Variants in SPATA13 observed in about 807,000 individuals in gnomAD.
SPATA13 encodes the protein spermatogenesis-associated protein 13.
Under a neutral mutation model 104.0 loss-of-function variants are expected in SPATA13, and 50 were observed. That is an observed-to-expected ratio of 0.48 (90% CI 0.38 to 0.61). The LOEUF is 0.61. Among genes scored for constraint, SPATA13 ranks in the 20% least tolerant of loss-of-function variants. The probability of loss-of-function intolerance (pLI) is 0.00; values close to 1 mark genes in which losing one functional copy is unlikely to be tolerated. For missense variants in SPATA13, 1,524 were observed against 1,690.6 expected, an observed-to-expected ratio of 0.90 and a Z score of 1.73; for synonymous variants, 606 against 667.5, an observed-to-expected ratio of 0.91 and a Z score of 1.42.
intron 3 of SPATA13, among the ~76,000 whole-genome samples, chr13:24,126,337 G>A (rs981121037): frequency 2.0e-5 from 3 of 152,016 alleles, no homozygotes; most frequent in African/African-American, 7.3e-5. Flanking sequence ...GGAAATGGAG[G>A]GACTCACAAG....
At chr13:24,103,543 A>AAGAG (rs1490841965) in intron 3 of SPATA13, among the ~76,000 whole-genome samples, 1 of 140,666 alleles carries the variant, frequency 7.1e-6, no homozygotes, top group Admixed American at 6.8e-5. Flanking sequence ...AGAGAGAGAG[A>AAGAG]AGAGAGAGAG....
At chr13:24,115,551 G>A (rs895071306) in intron 3 of SPATA13, among the ~76,000 whole-genome samples, 2 of 152,240 alleles carry the variant, frequency 1.3e-5, no homozygotes, top group African/African-American at 4.8e-5. Flanking sequence ...AGGTGGAACA[G>A]TTTCATCCCC....
chr13:24,004,679 G>A (rs1302067320), intron 2 of SPATA13, among the ~76,000 whole-genome samples: 3 of 152,126 alleles, frequency 2.0e-5, no homozygotes, highest in Non-Finnish European at 4.4e-5. Flanking sequence ...TTCCGAGACT[G>A]CTCCATACAC....
chr13:24,013,286 A>G (rs1175620993), intron 2 of SPATA13, among the ~76,000 whole-genome samples: 1 of 152,020 alleles, frequency 6.6e-6, no homozygotes, highest in African/African-American at 2.4e-5. Context: ...TCATCTGAGC[A>G]CCCTGGCTTC....
intron 2 of SPATA13, among the ~76,000 whole-genome samples, chr13:24,227,884 T>C (rs1289186173): frequency 1.3e-5 from 2 of 151,918 alleles, no homozygotes. Flanking sequence ...AATTCTTATA[T>C]AGCACATCAG....
chr13:24,119,536 T>C (rs1880965948), intron 3 of SPATA13, among the ~76,000 whole-genome samples: 1 of 152,218 alleles, frequency 6.6e-6, no homozygotes, highest in Non-Finnish European at 1.5e-5. Context: ...TTCTGGAGAA[T>C]GCTTTTGCTC....
At chr13:24,183,218 T>A (rs1868923129) in intron 1 of SPATA13, among the ~76,000 whole-genome samples, 1 of 152,238 alleles carries the variant, frequency 6.6e-6, no homozygotes, top group South Asian at 2.1e-4. Flanking sequence ...GAGGGCTGAA[T>A]TTTTCACATA....
chr13:24,075,037 C>A lies in SPATA13; in HGVS notation c.-112+57336C>A, dbSNP rs75427232. Among the ~76,000 whole-genome samples, 864 of 152,310 alleles carry A rather than the reference C, an allele frequency of 5.7e-3. 17 individuals carry two copies. The East Asian group carries it at 0.062, about 11-fold the overall frequency. On this transcript the variant is annotated intron_variant, in intron 3 of 14. Transcript: ENST00000424834. ...TTATGTTTTCCTCTGTATGGAAAAA[C>A]CCTTAGGCCAAGGTTAGAATATGTG...
At chr13:24,103,262 AC>A (rs1880315150) in intron 3 of SPATA13, among the ~76,000 whole-genome samples, 1 of 152,138 alleles carries the variant, frequency 6.6e-6, no homozygotes, top group Non-Finnish European at 1.5e-5. Context: ...TATTTTCTTT[AC>A]CTATGTCTAG....
chr13:24,210,843 A>G (rs1870975589), intron 1 of SPATA13, among the ~76,000 whole-genome samples: 1 of 150,178 alleles, frequency 6.7e-6, no homozygotes, highest in Non-Finnish European at 1.5e-5. Flanking sequence ...AGTAGTATGG[A>G]CATTTTAATG....
chr13:24,038,690 G>T (rs542467066), intron 3 of SPATA13, among the ~76,000 whole-genome samples: 4 of 152,220 alleles, frequency 2.6e-5, no homozygotes, highest in African/African-American at 4.8e-5. Context: ...TTGGCCCCTC[G>T]CATCCAAACA....
chr13:24,044,918 A>G (rs899949849), intron 3 of SPATA13, among the ~76,000 whole-genome samples: 4 of 143,794 alleles, frequency 2.8e-5, no homozygotes, highest in Middle Eastern at 3.8e-3. Context: ...CAGAGTGAAG[A>G]GAGGTTGGTC....
chr13:24,264,452 G>A (rs1167549431), intron 4 of SPATA13, among the ~76,000 whole-genome samples: 2 of 152,162 alleles, frequency 1.3e-5, no homozygotes, highest in African/African-American at 4.8e-5. Context: ...TAAGCAAGAT[G>A]TAATGAGTAG....
intron 9 of SPATA13, among the ~76,000 whole-genome samples, chr13:24,291,701 T>C (rs1876359654): frequency 6.6e-6 from 1 of 152,074 alleles, no homozygotes; most frequent in Non-Finnish European, 1.5e-5. Context: ...CGGCTTCTCC[T>C]GAACAACAAG....
At chr13:24,232,203 GT>G (rs965769252) in intron 2 of SPATA13, among the ~76,000 whole-genome samples, 2 of 152,212 alleles carry the variant, frequency 1.3e-5, no homozygotes, top group Non-Finnish European at 2.9e-5. Flanking sequence ...GAGTGCTGGT[GT>G]AAGTCATGGA....
At chr13:24,247,633 T>C (rs1873220786) in intron 2 of SPATA13, among the ~76,000 whole-genome samples, 1 of 151,946 alleles carries the variant, frequency 6.6e-6, no homozygotes, top group Admixed American at 6.6e-5. Flanking sequence ...CAGGCACCTG[T>C]CACCACACCT....
At chr13:24,180,261 AT>A (rs1454237867) in intron 1 of SPATA13, among the ~76,000 whole-genome samples, 1 of 152,184 alleles carries the variant, frequency 6.6e-6, no homozygotes, top group Non-Finnish European at 1.5e-5. Flanking sequence ...TTCTTTCACC[AT>A]TGAATGGTCT....
At chr13:24,221,116 C>T (rs1397665117) in intron 1 of SPATA13, among the ~76,000 whole-genome samples, 1 of 152,174 alleles carries the variant, frequency 6.6e-6, no homozygotes, top group Non-Finnish European at 1.5e-5. Flanking sequence ...GGTACAGATG[C>T]CCATTGTGCT....
In SPATA13 at chr13:24,194,557, G is replaced by A. The variant is rs111406842; in HGVS notation, c.-111-28262G>A. The stretch of plus-strand genomic sequence containing the variant: ...TCCTTATTTTACAACTTCTGAATCC[G>A]TAACAGTTTGAGGATTTGGTAGTCA... On this transcript the variant is annotated intron_variant, in intron 1 of 12. Transcript: ENST00000382108. 1.6e-3 allele frequency among the ~76,000 whole-genome samples: 251 copies of A among 152,262 alleles called. 2 individuals carry two copies. The Middle Eastern group carries it at 0.027, about 17-fold the overall frequency.
Sources: gnomAD v4.1 joint callset for allele counts (sites outside exome capture counted in the v4.1 genomes callset) on GRCh38, gnomAD v4.1.1 for gene constraint, MANE v1.5 for transcripts, NCBI Gene and HGNC (gene_info 2026-07-23, HGNC 2026-07-21) for gene names.